Variants in EHHADH observed in about 807,000 individuals in gnomAD.
EHHADH encodes the protein peroxisomal bifunctional enzyme.
EHHADH carries 48 observed loss-of-function variants against 64.4 expected under a neutral mutation model. The ratio of observed to expected loss-of-function variants is 0.75; its 90% CI spans 0.59 to 0.95. The LOEUF (loss-of-function observed/expected upper bound fraction) is 0.95. EHHADH is among the 40% of genes least tolerant of loss of function. The probability of loss-of-function intolerance (pLI) is 0.00; values close to 1 mark genes in which losing one functional copy is unlikely to be tolerated. For synonymous variants in EHHADH, 308 were observed against 326.7 expected (o/e 0.94, Z 0.62); for missense variants, 854 against 876.6 (o/e 0.97, Z 0.33).
intron 1 of EHHADH, among the ~76,000 whole-genome samples, chr3:185,249,464 A>G (rs906661803): frequency 1.3e-5 from 2 of 152,192 alleles, no homozygotes; most frequent in African/African-American, 2.4e-5. Flanking sequence ...ACTTCATTTC[A>G]AACTGTGATC....
At chr3:185,221,206 T>A (rs1436934555) in intron 4 of EHHADH, among the ~76,000 whole-genome samples, 1 of 152,228 alleles carries the variant, frequency 6.6e-6, no homozygotes, top group Non-Finnish European at 1.5e-5. Context: ...ATACTTTAAG[T>A]ATCTGTAAAC....
chr3:185,208,326 C>T (rs989501559), intron 5 of EHHADH, among the ~76,000 whole-genome samples: 2 of 152,174 alleles, frequency 1.3e-5, no homozygotes, highest in African/African-American at 2.4e-5. Flanking sequence ...CCCTAATCAA[C>T]CTGAGATGAC....
chr3:185,227,292 G>C (rs544269072), intron 4 of EHHADH, among the ~76,000 whole-genome samples: 4 of 152,192 alleles, frequency 2.6e-5, no homozygotes, highest in Non-Finnish European at 1.5e-5. Context: ...CAGCACTTTG[G>C]GGGGCCAAGG....
intron 5 of EHHADH, among the ~76,000 whole-genome samples, chr3:185,215,972 T>A (rs1475080771): frequency 6.6e-6 from 1 of 152,188 alleles, no homozygotes; most frequent in African/African-American, 2.4e-5. Context: ...ATGATTATAA[T>A]TTAAAATAGT....
rs958664006 is a variant in EHHADH, at chr3:185,192,423, G to A, written c.1975C>T (p.His659Tyr). The A allele has an allele frequency of 1.2e-6, 2 of 1,614,082 alleles. No individual in the cohort carries two copies. Among genetic ancestry groups the A allele is most frequent in the East Asian group, 4.5e-5 (2 of 44,898 alleles). ...GCATAGAACATGGGCCCGCCCTTGT[G>A]CCTTGGCCATCCATATCCATGTAAA... The part of the protein sequence containing the change: ...VYLHGYGWPR[H>Y]KGGPMFYAST... Residue 659 changes from histidine to tyrosine, a missense_variant, in exon 7 of 7, where the codon CAC becomes TAC. Transcript: ENST00000231887.
rs138826139 is a variant in EHHADH, at chr3:185,205,455, G to A, written c.569-698C>T. 3.5e-3 allele frequency among the ~76,000 whole-genome samples: 532 copies of A among 152,284 alleles called. 2 individuals are homozygous for A. Among genetic ancestry groups the A allele is most frequent in the African/African-American group, 0.012 (510 of 41,558 alleles). On this transcript the variant is annotated intron_variant, in intron 5 of 6. Coordinates refer to ENST00000231887, the MANE Select transcript of EHHADH (RefSeq NM_001966.4). ...AATACCTAGAAAAGGAGACAGCGTG[G>A]TATTGATGCAAGGATAGGTATATAT...
intron 6 of EHHADH, among the ~76,000 whole-genome samples, chr3:185,196,914 A>G (rs1021825949): frequency 2.7e-5 from 4 of 150,472 alleles, no homozygotes; most frequent in African/African-American, 7.3e-5. Flanking sequence ...AGGTGGGAGG[A>G]TTGCTTGGGC....
chr3:185,252,159 T>C (rs1017686753), intron 1 of EHHADH, among the ~76,000 whole-genome samples: 1 of 152,124 alleles, frequency 6.6e-6, no homozygotes, highest in African/African-American at 2.4e-5. Flanking sequence ...CCCAGCACTT[T>C]GGGAGGCCGA....
intron 2 of EHHADH, 165 bp downstream of exon 2, chr3:185,248,249 C>T: frequency 4.8e-6 from 3 of 626,080 alleles, no homozygotes; most frequent in Non-Finnish European, 8.6e-6. Flanking sequence ...CTGGGTCTCT[C>T]TTGTAATTCC....
At chr3:185,208,564 C>T (rs951058573) in intron 5 of EHHADH, among the ~76,000 whole-genome samples, 2 of 152,208 alleles carry the variant, frequency 1.3e-5, no homozygotes, top group Non-Finnish European at 2.9e-5. Flanking sequence ...AAGCCTCATA[C>T]GTTGCTTCTG....
intron 6 of EHHADH, among the ~76,000 whole-genome samples, chr3:185,202,026 T>C (rs551116537): frequency 3.3e-5 from 5 of 152,220 alleles, no homozygotes; most frequent in Non-Finnish European, 7.3e-5. Flanking sequence ...GTCACTCTAC[T>C]TATCCATCTT....
In EHHADH at chr3:185,246,176, T is replaced by C. The variant is rs988956713; in HGVS notation, c.178+2238A>G. On this transcript the variant is annotated intron_variant, in intron 2 of 6. Coordinates refer to ENST00000231887, the MANE Select transcript of EHHADH (RefSeq NM_001966.4). ...TTTACAACTTCTTCAGCTTCATCAA[T>C]ATCAAATATCTTTTTTGTTTTTTTT... The C allele has an allele frequency of 4.7e-5, 48 of 1,015,044 alleles. No individual in the cohort carries two copies. In the Middle Eastern group the frequency reaches 8.7e-4, roughly 18 times the overall value. 62.9% of individuals were successfully genotyped at this position (1,015,044 alleles called of 1,614,324 possible). A position where few individuals can be genotyped will look rare whatever the true frequency, so the allele number is the denominator to read the frequency against.
chr3:185,211,652 G>A (rs1718543653), intron 5 of EHHADH, among the ~76,000 whole-genome samples: 1 of 152,152 alleles, frequency 6.6e-6, no homozygotes, highest in South Asian at 2.1e-4. Context: ...ACATTAACAG[G>A]CTTCAAGAAG....
intron 4 of EHHADH, among the ~76,000 whole-genome samples, chr3:185,221,577 C>CTTTTTTTTTTTTTTTTT (rs10663266): frequency 7.6e-6 from 1 of 130,726 alleles, no homozygotes; most frequent in Non-Finnish European, 1.6e-5. Context: ...ATTTTTTTTT[C>CTTTTTTTTTTTTTTTTT]TTTTTTTTTT....
chr3:185,195,748 TG>T (rs1357630415), intron 6 of EHHADH, among the ~76,000 whole-genome samples: 1 of 152,054 alleles, frequency 6.6e-6, no homozygotes, highest in Non-Finnish European at 1.5e-5. Context: ...GCCCCAAAGA[TG>T]GGAACAATAA....
intron 5 of EHHADH, among the ~76,000 whole-genome samples, chr3:185,210,634 C>CAA (rs34709334): frequency 7.2e-5 from 6 of 83,242 alleles, no homozygotes; most frequent in Non-Finnish European, 8.3e-5. Context: ...GACTCTGTCT[C>CAA]AAAAAAAAAA....
At chr3:185,234,045 T>C (rs2108646308) in intron 3 of EHHADH, among the ~76,000 whole-genome samples, 1 of 152,318 alleles carries the variant, frequency 6.6e-6, no homozygotes, top group African/African-American at 2.4e-5. Context: ...TTAATAGTGG[T>C]TATTTCTGAA....
At chr3:185,211,904 T>C (rs1718549343) in intron 5 of EHHADH, among the ~76,000 whole-genome samples, 1 of 152,174 alleles carries the variant, frequency 6.6e-6, no homozygotes, top group Non-Finnish European at 1.5e-5. Flanking sequence ...TTAGGCAGAA[T>C]TAGAATTGTT....
Position 185,192,545 on chromosome 3 carries a change from T to C in EHHADH, c.1853A>G (p.Glu618Gly), listed in dbSNP as rs773138654. The C allele has an allele frequency of 1.2e-6, 2 of 1,614,212 alleles. No homozygotes were observed. The highest frequency in any genetic ancestry group is 2.2e-5 in the South Asian group (2 of 91,090). ...TGAATATAAGCAGCGTTCAAGGATC[T>C]CATCCTGGCTAATGGTACGTGGTTC... ...HIEPRTISQD[E>G]ILERCLYSLI... is the part of the protein sequence containing the mutation. Residue 618 changes from glutamate to glycine, a missense_variant, in exon 7 of 7, where the codon GAG becomes GGG. Transcript: ENST00000231887.
Sources: gnomAD v4.1 joint callset for allele counts (sites outside exome capture counted in the v4.1 genomes callset) on GRCh38, gnomAD v4.1.1 for gene constraint, MANE v1.5 for transcripts, NCBI Gene and HGNC (gene_info 2026-07-23, HGNC 2026-07-21) for gene names.